Variants in SMTN observed in about 807,000 individuals in gnomAD.
SMTN encodes the protein smoothelin.
Under a neutral mutation model 102.0 loss-of-function variants are expected in SMTN, and 58 were observed. That is an observed-to-expected ratio of 0.57 (90% confidence interval 0.46 to 0.71). SMTN has a LOEUF of 0.71. Among genes scored for constraint, SMTN ranks in the 30% least tolerant of loss-of-function variants. The pLI is 0.00. For missense variants in SMTN, 1,185 were observed against 1,241.7 expected (o/e 0.95, Z 0.69); for synonymous variants, 478 against 497.9 (o/e 0.96, Z 0.53).
At position 31,098,647 on chromosome 22, in the gene SMTN, T is replaced by A. The variant is rs2043805674; in HGVS notation, c.2160-20T>A. ...GCAGCCCTGCTCTCCCTGCCTAACA[T>A]GCGCCTCCCCAACCCCTAGCATCTT... On this transcript the variant is annotated intron_variant, in intron 16 of 20. Transcript: ENST00000333137. 6.2e-7 allele frequency: 1 copy of A among 1,610,456 alleles called. No homozygotes were observed. The highest frequency in any genetic ancestry group is 8.5e-7 in the Non-Finnish European group (1 of 1,178,124).
At chr22:31,099,281 G>C in intron 18 of SMTN, 102 bp downstream of exon 18, 1 of 742,630 alleles carries the variant, frequency 1.3e-6, no homozygotes. Flanking sequence ...TCCTGCCACT[G>C]TGTGGCCTCA....
chr22:31,091,383 G>A lies in SMTN; in HGVS notation c.1360G>A (p.Gly454Arg), dbSNP rs759229078. Residue 454 changes from glycine (G) to arginine (R), a missense_variant, in exon 10 of 21, where the codon GGG (glycine) becomes AGG (arginine). Coordinates refer to ENST00000333137, the MANE Select transcript of SMTN (RefSeq NM_134269.3). ...LPVAVGTAEP[G>R]GSMKTTFTIE... ...CGTGGCCGTCGGCACTGCCGAGCCA[G>A]GGGGCAGTATGAAGACCACATTCAC... 1 of 1,600,386 alleles carries A rather than the reference G, an allele frequency of 6.2e-7. No homozygotes were observed. The highest frequency in any genetic ancestry group is 8.5e-7 in the Non-Finnish European group (1 of 1,176,496).
At chr22:31,078,146 A>G (rs926823922), upstream of SMTN, among the ~76,000 whole-genome samples, 4 of 152,188 alleles carry the variant, frequency 2.6e-5, no homozygotes, top group African/African-American at 9.7e-5. Flanking sequence ...CATTGTGCAT[A>G]TGAGCAAGTT....
At chr22:31,104,266 C>G (rs2044321073) in intron 20 of SMTN, 50 bp from the exon 21 acceptor site, 1 of 1,600,054 alleles carries the variant, frequency 6.2e-7, no homozygotes, top group East Asian at 2.2e-5. Flanking sequence ...AGGGGCGCCA[C>G]GAGAGGCGGG....
rs1033010225 is a variant in SMTN at position 31,099,058 on chromosome 22, A to T, written c.2334-4A>T. On this transcript the variant is annotated splice_polypyrimidine_tract_variant and splice_region_variant and intron_variant, in intron 17 of 20. Transcript: ENST00000333137. ...GTGACCTGGTCCTGACACCGCCCCTACAGCAGCCCTGGCGGACCCCGCGCA... is the reference window on the plus strand; with the variant it reads ...GTGACCTGGTCCTGACACCGCCCCTTCAGCAGCCCTGGCGGACCCCGCGCA... 2 of 1,610,278 alleles carry T rather than the reference A, an allele frequency of 1.2e-6. No individual in the cohort carries two copies. The highest frequency in any genetic ancestry group is 1.7e-6 in the Non-Finnish European group (2 of 1,179,426).
intron 19 of SMTN, among the ~76,000 whole-genome samples, chr22:31,100,524 C>A (rs1048693406): frequency 6.6e-6 from 1 of 151,986 alleles, no homozygotes; most frequent in Non-Finnish European, 1.5e-5. Context: ...CCCCTCTCCC[C>A]GGGGCACAGC....
Position 31,100,960 on chromosome 22 carries a change from G to A in SMTN, c.2679G>A (p.Val893=), listed in dbSNP as rs752668198. Residue 893 remains valine, a synonymous_variant, in exon 20 of 21, where the codon GTG becomes GTA. Coordinates refer to ENST00000333137, the MANE Select transcript of SMTN (RefSeq NM_134269.3). ...TTCGAGAGCCTGACTGGAAGTGCGT[G>A]TACACGTACATCCAGGAATTCTACC... ...VRLREPDWKC[V]YTYIQEFYRC... 1 of 1,613,194 alleles carries A rather than the reference G, an allele frequency of 6.2e-7. No individual in the cohort carries two copies. Among genetic ancestry groups the A allele is most frequent in the Non-Finnish European group, 8.5e-7 (1 of 1,179,728 alleles).
intron 1 of SMTN, among the ~76,000 whole-genome samples, chr22:31,069,240 T>C (rs2147466428): frequency 6.6e-6 from 1 of 152,094 alleles, no homozygotes; most frequent in East Asian, 1.9e-4. Context: ...ACTAGGGCGC[T>C]CTCTTCCAGG....
At chr22:31,070,937 A>AAAAG in intron 1 of SMTN, among the ~76,000 whole-genome samples, 1 of 151,514 alleles carries the variant, frequency 6.6e-6, no homozygotes, top group South Asian at 2.1e-4. Flanking sequence ...AAAAAAAAAA[A>AAAAG]AAAAGAAAAG....
rs111398598 is a variant in SMTN at position 31,095,978 on chromosome 22, T to C, written c.1861+369T>C. 25 of 342,688 alleles carry C rather than the reference T, an allele frequency of 7.3e-5. No individual in the cohort carries two copies. The highest frequency in any genetic ancestry group is 1.1e-4 in the African/African-American group (5 of 46,316). The allele number at this position is 342,688 out of a possible 1,614,324, so 21.2% of individuals were successfully genotyped here. A position where few individuals can be genotyped will look rare whatever the true frequency, so the allele number is the denominator to read the frequency against. ...GCTGCTCCTCTCTCCCTGAAGTCCA[T>C]TGATGGCCATCTTAGCCTCTGCCCC... On this transcript the variant is annotated intron_variant, in intron 13 of 20. Coordinates refer to ENST00000333137, the MANE Select transcript of SMTN (RefSeq NM_134269.3). This position sits in a 1 kb window ranked among gnomAD's most constrained non-coding sequence, Gnocchi z 4.1.
chr22:31,095,259 C>A lies in SMTN; in HGVS notation c.1633-44C>A, dbSNP rs1221897836. Reference sequence around the variant, plus strand: ...TCCATTGGAGACATGATGAGTTTCACCCATACCCCTGCTTAAAGTCCATGC... The same window carrying A: ...TCCATTGGAGACATGATGAGTTTCAACCATACCCCTGCTTAAAGTCCATGC... On this transcript the variant is annotated intron_variant, in intron 11 of 20. Coordinates refer to ENST00000333137, the MANE Select transcript of SMTN (RefSeq NM_134269.3). The surrounding 1 kb of genome is among the most constrained non-coding windows in gnomAD (Gnocchi z 4.1). The A allele has an allele frequency of 6.2e-7, 1 of 1,603,232 alleles. No individual in the cohort carries two copies. The highest frequency in any genetic ancestry group is 8.5e-7 in the Non-Finnish European group (1 of 1,173,748).
At chr22:31,083,472 G>T in intron 2 of SMTN, 163 bp downstream of exon 2, 2 of 828,094 alleles carry the variant, frequency 2.4e-6, no homozygotes, top group Non-Finnish European at 3.6e-6. Flanking sequence ...CTGATGCAGA[G>T]GCCCTTGTGG....
chr22:31,095,644 G>C lies in SMTN; in HGVS notation c.1861+35G>C, dbSNP rs770715818. Reference sequence around the variant, plus strand: ...CAGTTGCCCTACCCTAGATCCAGCTGCCCCATTCCCCAGCTGCTCCCCTCA... The same window carrying C: ...CAGTTGCCCTACCCTAGATCCAGCTCCCCCATTCCCCAGCTGCTCCCCTCA... On this transcript the variant is annotated intron_variant, in intron 13 of 20. Coordinates refer to ENST00000333137, the MANE Select transcript of SMTN (RefSeq NM_134269.3). The surrounding 1 kb of genome is among the most constrained non-coding windows in gnomAD (Gnocchi z 4.1). 1 of 1,572,128 alleles carries C rather than the reference G, an allele frequency of 6.4e-7. No individual in the cohort carries two copies. Among genetic ancestry groups the C allele is most frequent in the South Asian group, 1.1e-5 (1 of 87,250 alleles).
Position 31,091,372 on chromosome 22 carries a change from C to T in SMTN, c.1349C>T (p.Thr450Ile). Residue 450 changes from threonine to isoleucine, a missense_variant, in exon 10 of 21, where the codon ACT becomes ATT. Around this residue, in one of 2 missense-constraint regions of SMTN, gnomAD observed 1,096 missense variants for 1,112.7 expected, o/e 0.98. Coordinates refer to ENST00000333137, the MANE Select transcript of SMTN (RefSeq NM_134269.3). ...GCCCCGCTGCCCGTGGCCGTCGGCA[C>T]TGCCGAGCCAGGGGGCAGTATGAAG... ...PGAPLPVAVG[T>I]AEPGGSMKTT... The T allele has an allele frequency of 6.2e-7, 1 of 1,604,018 alleles. No homozygotes were observed. The highest frequency in any genetic ancestry group is 1.1e-5 in the South Asian group (1 of 90,408).
At chr22:31,092,657 CA>C (rs1322006134) in intron 11 of SMTN, 16 of 423,376 alleles carry the variant, frequency 3.8e-5, no homozygotes, top group Non-Finnish European at 7.5e-5. Context: ...CCTTCCTTTC[CA>C]AAAAAGCAGG....
At chr22:31,100,843 GCC>G (rs768785026) in intron 19 of SMTN, 40 bp from the exon 20 acceptor site, 1 of 723,136 alleles carries the variant, frequency 1.4e-6, no homozygotes, top group East Asian at 3.1e-5. Flanking sequence ...CTGGCCTCCT[GCC>G]CCCGTCCCCC....
rs147626393 is a variant in SMTN, at chr22:31,072,825, C to T, written c.-385-7625C>T. Among the ~76,000 whole-genome samples, 351 of 151,744 alleles carry T rather than the reference C, an allele frequency of 2.3e-3. 3 individuals carry two copies. The East Asian group carries it at 0.038, about 16-fold the overall frequency. ...CCCAGGCTGGAATGCAGTGGGCAAT[C>T]TCTGCTTACTGCAGCCTCAACCTCC... On this transcript the variant is annotated intron_variant, in intron 1 of 3. Transcript: ENST00000422839.
At chr22:31,085,224 A>C in intron 2 of SMTN, 1 of 1,534,248 alleles carries the variant, frequency 6.5e-7, no homozygotes, top group Admixed American at 2.0e-5. Flanking sequence ...TTAGATCCGG[A>C]CACTGAAGCA....
intron 1 of SMTN, chr22:31,082,852 G>C: frequency 1.3e-6 from 2 of 1,526,282 alleles, no homozygotes; most frequent in South Asian, 1.2e-5. Flanking sequence ...GCACAGCTTG[G>C]GTGGGTCTTG....
Sources: gnomAD v4.1 joint callset for allele counts (sites outside exome capture counted in the v4.1 genomes callset) on GRCh38, gnomAD v4.1.1 for gene constraint, gnomAD v4.1.1 regional missense constraint, Gnocchi (gnomAD v3.1) non-coding constraint, MANE v1.5 for transcripts, NCBI Gene and HGNC (gene_info 2026-07-23, HGNC 2026-07-21) for gene names.